The following NRG4 variants were observed in gnomAD, a reference collection of about 807,000 sequenced individuals.
The protein encoded by NRG4 is pro-neuregulin-4, membrane-bound isoform.
A neutral mutation model predicts 15.0 loss-of-function variants in NRG4; 10 were observed. The observed-to-expected ratio is 0.67, with a 90% CI of 0.41 to 1.13. NRG4 has a LOEUF of 1.13. Among genes scored for constraint, NRG4 ranks in the 50% most tolerant of loss-of-function variants. NRG4 has a pLI of 0.00. For missense variants in NRG4, 139 were observed against 140.2 expected, an observed-to-expected ratio of 0.99 and a Z score of 0.04; for synonymous variants, 41 against 50.1, an observed-to-expected ratio of 0.82 and a Z score of 0.77.
chr15:76,039,843 T>C (rs1361554842), intron 4 of NRG4, among the ~76,000 whole-genome samples: 1 of 149,122 alleles, frequency 6.7e-6, no homozygotes, highest in Non-Finnish European at 1.5e-5. Context: ...AGGCCAGGAG[T>C]TTGAGACCAG....
At chr15:75,954,171 T>G (rs1487198451) in intron 5 of NRG4, among the ~76,000 whole-genome samples, 2 of 152,096 alleles carry the variant, frequency 1.3e-5, no homozygotes, top group African/African-American at 4.8e-5. Context: ...TCTGCATTTC[T>G]TTTTTTCTTA....
At chr15:75,939,435 C>T (rs1191115853), downstream of NRG4, 2 of 152,076 alleles carry the variant, frequency 1.3e-5, no homozygotes, top group Non-Finnish European at 2.9e-5. Flanking sequence ...CAAAATTCTC[C>T]TGGAAAAAAA....
intron 3 of NRG4, among the ~76,000 whole-genome samples, chr15:75,982,874 T>C (rs1244311472): frequency 1.2e-4 from 18 of 152,158 alleles, no homozygotes; most frequent in Non-Finnish European, 1.0e-4. Flanking sequence ...CTGAACTAGG[T>C]AGGCTCAGAA....
chr15:75,965,110 C>T (rs1324399331), intron 3 of NRG4, among the ~76,000 whole-genome samples: 1 of 151,516 alleles, frequency 6.6e-6, no homozygotes, highest in Admixed American at 6.6e-5. Context: ...CCTGCAGTCC[C>T]AGCTACTTGC....
intron 3 of NRG4, among the ~76,000 whole-genome samples, chr15:75,972,497 T>C (rs12856314): frequency 1.3e-5 from 2 of 152,284 alleles, no homozygotes; most frequent in African/African-American, 4.8e-5. Context: ...GTTTTTATGG[T>C]TTTAGGTCTT....
chr15:75,996,407 A>G (rs972223073), intron 3 of NRG4, among the ~76,000 whole-genome samples: 1 of 152,186 alleles, frequency 6.6e-6, no homozygotes, highest in African/African-American at 2.4e-5. Context: ...TCTTTTAACT[A>G]CAAGAGTTTG....
At chr15:75,987,681 G>A (rs578101574) in intron 3 of NRG4, among the ~76,000 whole-genome samples, 10 of 152,242 alleles carry the variant, frequency 6.6e-5, no homozygotes, top group South Asian at 6.2e-4. Context: ...TCCAGAAATC[G>A]GAGAAGTTTC....
chr15:76,053,552 A>AT (rs1201231397), intron 2 of NRG4, among the ~76,000 whole-genome samples: 10 of 150,706 alleles, frequency 6.6e-5, no homozygotes, highest in Admixed American at 2.6e-4. Flanking sequence ...ATTTTTACTT[A>AT]TTTTTTATTT....
chr15:76,001,012 G>A (rs2034393882), intron 3 of NRG4, among the ~76,000 whole-genome samples: 1 of 151,896 alleles, frequency 6.6e-6, no homozygotes, highest in African/African-American at 2.4e-5. Context: ...TTAGAGACAG[G>A]GTTTTGCTCT....
At chr15:76,028,708 T>C (rs922868335) in intron 5 of NRG4, among the ~76,000 whole-genome samples, 1 of 152,006 alleles carries the variant, frequency 6.6e-6, no homozygotes, top group African/African-American at 2.4e-5. Context: ...GAGACCAGCC[T>C]GGCCAATGTA....
At chr15:75,991,478 G>T (rs191884002) in intron 3 of NRG4, among the ~76,000 whole-genome samples, 53 of 152,220 alleles carry the variant, frequency 3.5e-4, no homozygotes, top group Non-Finnish European at 6.0e-4. Flanking sequence ...AAAATTTATT[G>T]AGACTTTTTT....
chr15:76,018,322 A>C (rs1267074373), intron 5 of NRG4, among the ~76,000 whole-genome samples: 1 of 152,068 alleles, frequency 6.6e-6, no homozygotes, highest in Non-Finnish European at 1.5e-5. Flanking sequence ...CTGAAGCCTA[A>C]TTCTGTCGAT....
At chr15:75,969,019 G>A (rs903245729) in intron 3 of NRG4, 1 of 220,436 alleles carries the variant, frequency 4.5e-6, no homozygotes, top group Non-Finnish European at 9.4e-6. Context: ...AAAACTTCAA[G>A]GGTTCAAGAC....
rs2030978779 is a variant in NRG4, at chr15:75,941,754, A to T, written c.*1884T>A. 1 of 152,138 alleles carries T rather than the reference A, an allele frequency of 6.6e-6. No homozygotes were observed. The highest frequency in any genetic ancestry group is 1.5e-5 in the Non-Finnish European group (1 of 68,006). The allele number at this position is 152,138 out of a possible 1,614,324, so 9.4% of individuals were successfully genotyped here. A position where few individuals can be genotyped will look rare whatever the true frequency, so the allele number is the denominator to read the frequency against. On this transcript the variant is annotated 3_prime_UTR_variant, in exon 6 of 6. Coordinates refer to ENST00000394907, the MANE Select transcript of NRG4 (RefSeq NM_138573.4). ...AAGATTACGTTTTGTCACAGGGAGC[A>T]GGAGGGAATGGGAATTTATTGTTTA... is the stretch of plus-strand genomic sequence containing the variant.
At chr15:76,026,804 T>C (rs1596039835) in intron 5 of NRG4, among the ~76,000 whole-genome samples, 1 of 152,174 alleles carries the variant, frequency 6.6e-6, no homozygotes, top group East Asian at 1.9e-4. Context: ...ATTTAAAAGA[T>C]ATAGATTGGC....
chr15:75,965,541 A>G (rs2032756608), intron 3 of NRG4, among the ~76,000 whole-genome samples: 1 of 152,256 alleles, frequency 6.6e-6, no homozygotes, highest in Non-Finnish European at 1.5e-5. Context: ...GGGAAAGGCA[A>G]AGACAAATTT....
At chr15:76,018,613 G>A (rs1270521044) in intron 5 of NRG4, among the ~76,000 whole-genome samples, 1 of 151,904 alleles carries the variant, frequency 6.6e-6, no homozygotes, top group Non-Finnish European at 1.5e-5. Context: ...GGAGTTTGCT[G>A]GAGGTTCACT....
In NRG4 at chr15:75,943,163, T is replaced by C. The variant is rs1195390698; in HGVS notation, c.*475A>G. The C allele has an allele frequency of 2.0e-5, 3 of 153,516 alleles. No homozygotes were observed. 9.5% of individuals were successfully genotyped at this position (153,516 alleles called of 1,614,324 possible). A position where few individuals can be genotyped will look rare whatever the true frequency, so the allele number is the denominator to read the frequency against. The stretch of plus-strand genomic sequence containing the variant: ...AGAGGTATCTATCAGTCAGCGCTTT[T>C]TTCTAATTGCCAGGTGAAATGTCTT... On this transcript the variant is annotated 3_prime_UTR_variant, in exon 6 of 6. Transcript: ENST00000394907.
At chr15:76,008,403 G>A (rs1034568930) in intron 3 of NRG4, among the ~76,000 whole-genome samples, 10 of 152,008 alleles carry the variant, frequency 6.6e-5, no homozygotes, top group African/African-American at 2.4e-4. Flanking sequence ...ATCCTTTTAT[G>A]TAGCTAGATC....
Sources: allele counts gnomAD v4.1 joint callset (sites outside exome capture counted in the v4.1 genomes callset), GRCh38; gene constraint gnomAD v4.1.1; transcripts MANE v1.5; gene names NCBI Gene and HGNC (gene_info 2026-07-23, HGNC 2026-07-21).